MAST4: variants seen among roughly 807,000 people sequenced by gnomAD.
The protein encoded by MAST4 is microtubule-associated serine/threonine-protein kinase 4.
MAST4 carries 89 observed loss-of-function variants against 162.7 expected under a neutral mutation model. The ratio of observed to expected loss-of-function variants is 0.55; its 90% CI spans 0.46 to 0.65. MAST4 has a LOEUF of 0.65. Ranked by LOEUF, MAST4 falls within the 30% of genes least tolerant of loss-of-function variation. The probability of loss-of-function intolerance (pLI) is 0.00; values close to 1 mark genes in which losing one functional copy is unlikely to be tolerated. For synonymous variants in MAST4, 1,479 were observed against 1,361.1 expected, an observed-to-expected ratio of 1.09 and a Z score of -1.91; for missense variants, 3,153 against 3,374.0, an observed-to-expected ratio of 0.93 and a Z score of 1.62.
intron 1 of MAST4, among the ~76,000 whole-genome samples, chr5:66,605,406 T>C (rs1033648889): frequency 4.6e-5 from 7 of 152,214 alleles, no homozygotes; most frequent in Non-Finnish European, 1.0e-4. Flanking sequence ...CTTAGCAGAC[T>C]GGTAAGTAGA....
At chr5:66,954,267 T>G (rs767343591) in intron 4 of MAST4, among the ~76,000 whole-genome samples, 1 of 152,188 alleles carries the variant, frequency 6.6e-6, no homozygotes, top group Non-Finnish European at 1.5e-5. Flanking sequence ...CAAAGGTCTT[T>G]TCTGGGTCTT....
intron 5 of MAST4, among the ~76,000 whole-genome samples, chr5:67,066,225 AAAG>A (rs1294123401): frequency 2.0e-5 from 3 of 152,080 alleles, no homozygotes; most frequent in Non-Finnish European, 2.9e-5. Context: ...ATATAAGAAC[AAAG>A]AAGAATTGAA....
intron 4 of MAST4, among the ~76,000 whole-genome samples, chr5:66,919,787 A>G (rs1466087995): frequency 6.6e-6 from 1 of 152,110 alleles, no homozygotes; most frequent in Non-Finnish European, 1.5e-5. Flanking sequence ...ACTAAAGGTC[A>G]CCAGGACTGT....
chr5:67,013,783 G>GT (rs1216520483), intron 4 of MAST4, among the ~76,000 whole-genome samples: 1 of 152,160 alleles, frequency 6.6e-6, no homozygotes, highest in Non-Finnish European at 1.5e-5. Flanking sequence ...TTTTATAGAT[G>GT]TATGAAGGGG....
intron 19 of MAST4, among the ~76,000 whole-genome samples, chr5:67,137,515 A>G (rs1224353793): frequency 6.6e-6 from 1 of 152,230 alleles, no homozygotes; most frequent in African/African-American, 2.4e-5. Flanking sequence ...TTTAATAGAA[A>G]TAACAGAAAA....
At chr5:66,705,525 A>G (rs1434542882) in intron 1 of MAST4, among the ~76,000 whole-genome samples, 2 of 152,198 alleles carry the variant, frequency 1.3e-5, no homozygotes, top group Admixed American at 1.3e-4. Flanking sequence ...GTTTCACAGG[A>G]ACGGTTTCAG....
intron 1 of MAST4, among the ~76,000 whole-genome samples, chr5:66,682,196 C>G (rs1311048805): frequency 6.6e-6 from 1 of 152,114 alleles, no homozygotes; most frequent in Non-Finnish European, 1.5e-5. Context: ...CAAGAGTAGT[C>G]GTGAGTGGCC....
chr5:66,601,797 T>A lies in MAST4; in HGVS notation c.363+4779T>A, dbSNP rs1265726594. 2.6e-5 allele frequency among the ~76,000 whole-genome samples: 4 copies of A among 152,098 alleles called. No individual in the cohort carries two copies. The South Asian group carries it at 6.2e-4, about 24-fold the overall frequency. On this transcript the variant is annotated intron_variant, in intron 1 of 28. Coordinates refer to ENST00000403625, the MANE Select transcript of MAST4 (RefSeq NM_001164664.2). ...AGAGGCAATGGGAGCCATTGAAGGATTTGAAGCAAAGAAGTGACATGATCA... is the reference window on the plus strand; with the variant it reads ...AGAGGCAATGGGAGCCATTGAAGGAATTGAAGCAAAGAAGTGACATGATCA...
chr5:66,767,117 C>T (rs572519941), intron 2 of MAST4, among the ~76,000 whole-genome samples: 13 of 151,018 alleles, frequency 8.6e-5, no homozygotes, highest in Non-Finnish European at 1.5e-5. Context: ...AATTTCCGTT[C>T]CTATTCTTTT....
rs560281702 is a variant in MAST4, at chr5:66,864,352, A to G, written c.643-35599A>G. Among the ~76,000 whole-genome samples, 7 of 152,238 alleles carry G rather than the reference A, an allele frequency of 4.6e-5. No homozygotes were observed. The South Asian group carries it at 1.5e-3, about 32-fold the overall frequency. On this transcript the variant is annotated intron_variant, in intron 3 of 28. Coordinates refer to ENST00000403625, the MANE Select transcript of MAST4 (RefSeq NM_001164664.2). ...ATCCCAGAGATCCTGTGTTGAGAAC[A>G]TTCTGGGAGAGGTTTGGGAACAGCG...
chr5:67,081,858 T>C (rs899445503), intron 5 of MAST4, among the ~76,000 whole-genome samples: 10 of 152,326 alleles, frequency 6.6e-5, no homozygotes, highest in Admixed American at 2.0e-4. Flanking sequence ...TTCTATTACT[T>C]GTAATGACAT....
intron 13 of MAST4, among the ~76,000 whole-genome samples, chr5:67,119,080 G>C (rs1046935236): frequency 6.6e-6 from 1 of 152,218 alleles, no homozygotes; most frequent in Non-Finnish European, 1.5e-5. Flanking sequence ...AGAAACTAGA[G>C]CACTTGAGTA....
intron 4 of MAST4, among the ~76,000 whole-genome samples, chr5:67,038,172 C>T (rs985965984): frequency 2.8e-4 from 42 of 151,834 alleles, no homozygotes; most frequent in African/African-American, 1.0e-3. Context: ...AAATCTTTCT[C>T]TAACAGTTGC....
chr5:66,765,687 T>G (rs1754061871), intron 2 of MAST4, among the ~76,000 whole-genome samples: 1 of 152,140 alleles, frequency 6.6e-6, no homozygotes, highest in South Asian at 2.1e-4. Flanking sequence ...TAATATGTAT[T>G]CAATGTAGAC....
chr5:67,162,565 TTC>T, intron 27 of MAST4, 40 bp from the exon 28 acceptor site: 1 of 1,595,872 alleles, frequency 6.3e-7, no homozygotes, highest in Non-Finnish European at 8.6e-7. Flanking sequence ...GCAGCAATAG[TTC>T]TGAAAGAAGA....
At chr5:66,724,177 G>A (rs1195368068) in intron 1 of MAST4, among the ~76,000 whole-genome samples, 2 of 152,184 alleles carry the variant, frequency 1.3e-5, no homozygotes, top group Non-Finnish European at 2.9e-5. Context: ...AGAGGAAAGA[G>A]CTCAGTTCAC....
chr5:66,847,820 C>CAAAAAAAAAAAAAA lies in MAST4; in HGVS notation c.643-52121_643-52108dup, dbSNP rs777825639. Among the ~76,000 whole-genome samples the CAAAAAAAAAAAAAA allele has an allele frequency of 1.1e-3, 60 of 54,132 alleles. 3 individuals are homozygous for CAAAAAAAAAAAAAA. The highest frequency in any genetic ancestry group is 9.7e-4 in the Non-Finnish European group (32 of 33,052). The allele number at this position is 54,132 out of a possible 152,430, so 35.5% of individuals were successfully genotyped here. On this transcript the variant is annotated intron_variant, in intron 3 of 28. Coordinates refer to ENST00000403625, the MANE Select transcript of MAST4 (RefSeq NM_001164664.2). ...TGGGTGCTGGAACAAGACTCCTTCT[C>CAAAAAAAAAAAAAA]AAAAAAAAAAAAAAAAAAAAAAAGA...
At chr5:67,070,773 G>T (rs1760859683) in intron 5 of MAST4, among the ~76,000 whole-genome samples, 1 of 152,138 alleles carries the variant, frequency 6.6e-6, no homozygotes. Context: ...GAAACAGTAT[G>T]ATAGCAAGAT....
At position 66,627,270 on chromosome 5, in the gene MAST4, A is replaced by G. The variant is rs150168645; in HGVS notation, c.363+30252A>G. On this transcript the variant is annotated intron_variant, in intron 1 of 28. Transcript: ENST00000403625. ...CACTCACTATCACGAGAAAGGCAGC[A>G]TGGGGATAACTACTCCCATTCTTCA... 1.6e-4 allele frequency among the ~76,000 whole-genome samples: 24 copies of G among 152,326 alleles called. No individual in the cohort carries two copies. The East Asian group carries it at 4.6e-3, about 29-fold the overall frequency.
Sources: gnomAD v4.1 joint callset for allele counts (sites outside exome capture counted in the v4.1 genomes callset) on GRCh38, gnomAD v4.1.1 for gene constraint, MANE v1.5 for transcripts, NCBI Gene and HGNC (gene_info 2026-07-23, HGNC 2026-07-21) for gene names.